Variants in PAX3 observed in about 807,000 individuals in gnomAD.
PAX3 encodes paired box 3.
PAX3 carries 14 observed loss-of-function variants against 51.6 expected under a neutral mutation model. The ratio of observed to expected loss-of-function variants is 0.27; its 90% CI spans 0.18 to 0.42. The LOEUF (loss-of-function observed/expected upper bound fraction) is 0.42. Among genes scored for constraint, PAX3 ranks in the 10% least tolerant of loss-of-function variants. PAX3 has a pLI of 1.00. For synonymous variants in PAX3, 280 were observed against 253.4 expected (o/e 1.11, Z -1.00); for missense variants, 540 against 642.8 (o/e 0.84, Z 1.73).
chr2:222,220,369 A>T lies in PAX3; in HGVS notation c.959-15T>A. 2 of 1,612,474 alleles carry T rather than the reference A, an allele frequency of 1.2e-6. No homozygotes were observed. The highest frequency in any genetic ancestry group is 1.7e-6 in the Non-Finnish European group (2 of 1,178,614). On this transcript the variant is annotated splice_polypyrimidine_tract_variant and intron_variant, in intron 6 of 8. Transcript: ENST00000392070. ...ATCTGACACAGCTGAAATGAAAAAG[A>T]TTGTCAACCATCATGTTTTCTTTTA...
chr2:222,274,672 A>G (rs1340556209), intron 4 of PAX3, among the ~76,000 whole-genome samples: 3 of 152,160 alleles, frequency 2.0e-5, no homozygotes. Flanking sequence ...AGTTAAACAG[A>G]ATAACAACTC....
chr2:222,243,176 G>T (rs1559280455), intron 4 of PAX3, among the ~76,000 whole-genome samples: 1 of 152,186 alleles, frequency 6.6e-6, no homozygotes, highest in Non-Finnish European at 1.5e-5. Flanking sequence ...GCAGGTTTTA[G>T]AAGAAAGTTA....
At position 222,295,737 on chromosome 2, in the gene PAX3, T is replaced by C. The variant is rs1044063026; in HGVS notation, c.322-80A>G. On this transcript the variant is annotated intron_variant, in intron 2 of 8. Coordinates refer to ENST00000392070, the MANE Select transcript of PAX3 (RefSeq NM_181458.4). ...GGCGGCCCCACCGCCTCTGGGCCTG[T>C]CGGGATGCTCCTCGCTGAATCCTCT... 9 of 1,501,626 alleles carry C rather than the reference T, an allele frequency of 6.0e-6. No homozygotes were observed. In the African/African-American group the frequency reaches 9.6e-5, roughly 16 times the overall value. The allele number at this position is 1,501,626 out of a possible 1,614,324, so 93.0% of individuals were successfully genotyped here.
At chr2:222,212,400 G>A (rs571720356) in intron 7 of PAX3, among the ~76,000 whole-genome samples, 40 of 152,110 alleles carry the variant, frequency 2.6e-4, no homozygotes, top group African/African-American at 8.4e-4. Context: ...ATGTAGACAC[G>A]TTACCCCATT....
intron 4 of PAX3, among the ~76,000 whole-genome samples, chr2:222,270,566 G>A (rs1694217214): frequency 6.6e-6 from 1 of 152,162 alleles, no homozygotes; most frequent in African/African-American, 2.4e-5. Context: ...TATTTTCCAT[G>A]AGCTTATCCA....
chr2:222,274,538 T>C (rs954416513), intron 4 of PAX3, among the ~76,000 whole-genome samples: 1 of 152,064 alleles, frequency 6.6e-6, no homozygotes, highest in Admixed American at 6.5e-5. Context: ...TTTGTTTTTT[T>C]TTTTAAAGTC....
intron 4 of PAX3, among the ~76,000 whole-genome samples, chr2:222,245,815 C>CAAAAA (rs10628623): frequency 7.4e-6 from 1 of 135,508 alleles, no homozygotes; most frequent in African/African-American, 2.8e-5. Flanking sequence ...ACTAAAAATA[C>CAAAAA]AAAAAAAAAA....
intron 4 of PAX3, among the ~76,000 whole-genome samples, chr2:222,236,057 T>C (rs1692786959): frequency 6.6e-6 from 1 of 152,194 alleles, no homozygotes; most frequent in African/African-American, 2.4e-5. Context: ...AATTCTAACT[T>C]TTCCCCATCT....
At chr2:222,234,094 T>C (rs996188406) in intron 4 of PAX3, among the ~76,000 whole-genome samples, 17 of 152,206 alleles carry the variant, frequency 1.1e-4, no homozygotes, top group Non-Finnish European at 1.9e-4. Flanking sequence ...AAATGTGATT[T>C]TCAGTTTTCT....
At chr2:222,267,392 TC>T (rs1694090153) in intron 4 of PAX3, among the ~76,000 whole-genome samples, 3 of 152,328 alleles carry the variant, frequency 2.0e-5, no homozygotes, top group Middle Eastern at 3.4e-3. Flanking sequence ...TCCTAATCTT[TC>T]CAGATATATG....
chr2:222,215,505 T>C (rs978245908), intron 7 of PAX3, among the ~76,000 whole-genome samples: 12 of 151,848 alleles, frequency 7.9e-5, no homozygotes, highest in Non-Finnish European at 1.3e-4. Context: ...GGGTGAGGCA[T>C]GAAATGATAA....
intron 4 of PAX3, among the ~76,000 whole-genome samples, chr2:222,253,402 A>T (rs1469517533): frequency 6.6e-6 from 1 of 152,192 alleles, no homozygotes; most frequent in Non-Finnish European, 1.5e-5. Flanking sequence ...AACCCTAAAG[A>T]CATTTTAGGC....
chr2:222,257,788 T>C (rs1360096609), intron 4 of PAX3, among the ~76,000 whole-genome samples: 2 of 152,216 alleles, frequency 1.3e-5, no homozygotes, highest in Admixed American at 6.5e-5. Context: ...AGGCAGCGCA[T>C]GGCTGGGCAG....
chr2:222,272,334 G>A (rs1049277794), intron 4 of PAX3, among the ~76,000 whole-genome samples: 1 of 152,210 alleles, frequency 6.6e-6, no homozygotes, highest in Non-Finnish European at 1.5e-5. Flanking sequence ...TAAGTGTTAT[G>A]TCAACTAAAG....
chr2:222,248,314 G>T (rs542353853), intron 4 of PAX3, among the ~76,000 whole-genome samples: 17 of 152,278 alleles, frequency 1.1e-4, no homozygotes, highest in Admixed American at 1.0e-3. Flanking sequence ...TTGCCAAAAT[G>T]GACCAACTGT....
At chr2:222,210,276 C>G (rs932181877) in intron 7 of PAX3, among the ~76,000 whole-genome samples, 1 of 152,146 alleles carries the variant, frequency 6.6e-6, no homozygotes, top group African/African-American at 2.4e-5. Flanking sequence ...TTGATAAACT[C>G]AAAATCACTT....
chr2:222,230,384 G>A (rs904021072), intron 5 of PAX3, among the ~76,000 whole-genome samples: 4 of 150,164 alleles, frequency 2.7e-5, no homozygotes, highest in Non-Finnish European at 4.4e-5. Context: ...GACACAGGGA[G>A]GGGAAAATCA....
chr2:222,203,054 T>TATAC (rs1691369475), intron 7 of PAX3, among the ~76,000 whole-genome samples: 2 of 116,504 alleles, frequency 1.7e-5, no homozygotes, highest in Non-Finnish European at 3.6e-5. Flanking sequence ...TATATATATA[T>TATAC]ATGAAGTGTT....
intron 4 of PAX3, among the ~76,000 whole-genome samples, chr2:222,246,298 C>G (rs1311195818): frequency 1.3e-5 from 2 of 152,328 alleles, no homozygotes; most frequent in South Asian, 2.1e-4. Context: ...ATCATCCCAT[C>G]ACTATGTCAA....
Sources: allele counts gnomAD v4.1 joint callset (sites outside exome capture counted in the v4.1 genomes callset), GRCh38; gene constraint gnomAD v4.1.1; transcripts MANE v1.5; gene names NCBI Gene and HGNC (gene_info 2026-07-23, HGNC 2026-07-21).